Variants in FBXL7 observed in about 807,000 individuals in gnomAD.
FBXL7 encodes F-box and leucine rich repeat protein 7.
A neutral mutation model predicts 38.3 loss-of-function variants in FBXL7; 12 were observed. That is an observed-to-expected ratio of 0.31 (90% CI 0.20 to 0.51). The LOEUF (loss-of-function observed/expected upper bound fraction) is 0.51, where lower values mean the gene tolerates loss of function less well. Ranked by LOEUF, FBXL7 falls within the 20% of genes least tolerant of loss-of-function variation. The probability of loss-of-function intolerance (pLI) is 0.98; values close to 1 mark genes in which losing one functional copy is unlikely to be tolerated. For missense variants in FBXL7, 567 were observed against 676.4 expected (o/e 0.84, Z 1.79); for synonymous variants, 297 against 300.9 (o/e 0.99, Z 0.13).
At chr5:15,512,004 C>T (rs1181564738) in intron 1 of FBXL7, among the ~76,000 whole-genome samples, 1 of 152,194 alleles carries the variant, frequency 6.6e-6, no homozygotes, top group South Asian at 2.1e-4. Flanking sequence ...AGCAGGGGCT[C>T]CCTCCTCTGC....
At chr5:15,835,001 T>C (rs1738557806) in intron 2 of FBXL7, among the ~76,000 whole-genome samples, 1 of 152,226 alleles carries the variant, frequency 6.6e-6, no homozygotes, top group South Asian at 2.1e-4. Context: ...TTCCAAGTAA[T>C]GAGCTGGGCT....
At chr5:15,932,192 C>T (rs887950181) in intron 3 of FBXL7, among the ~76,000 whole-genome samples, 2 of 152,148 alleles carry the variant, frequency 1.3e-5, no homozygotes, top group Non-Finnish European at 2.9e-5. Context: ...AATTCCTCAT[C>T]AGTAAAAGTG....
chr5:15,852,831 G>A (rs1423147189), intron 2 of FBXL7, among the ~76,000 whole-genome samples: 1 of 152,028 alleles, frequency 6.6e-6, no homozygotes, highest in Non-Finnish European at 1.5e-5. Context: ...GTTCAGTTTG[G>A]CCACTGTACA....
At chr5:15,580,123 G>A (rs1393166004) in intron 1 of FBXL7, among the ~76,000 whole-genome samples, 1 of 151,992 alleles carries the variant, frequency 6.6e-6, no homozygotes, top group Non-Finnish European at 1.5e-5. Flanking sequence ...TGCGAGTGTA[G>A]CCCCCATGAT....
At chr5:15,902,333 C>T (rs936718569) in intron 2 of FBXL7, among the ~76,000 whole-genome samples, 4 of 152,194 alleles carry the variant, frequency 2.6e-5, no homozygotes, top group Admixed American at 1.3e-4. Flanking sequence ...GAGTGCCAAA[C>T]GTTGCATCCG....
intron 2 of FBXL7, among the ~76,000 whole-genome samples, chr5:15,878,992 A>G (rs775110179): frequency 2.6e-5 from 4 of 152,328 alleles, no homozygotes; most frequent in East Asian, 3.9e-4. Flanking sequence ...GTTTAGGTCC[A>G]TCTAGATCAG....
intron 2 of FBXL7, among the ~76,000 whole-genome samples, chr5:15,624,936 C>G (rs1021858449): frequency 6.7e-6 from 1 of 150,054 alleles, no homozygotes; most frequent in Non-Finnish European, 1.5e-5. Flanking sequence ...CTCTCTCTCT[C>G]TTGCTTCCTC....
At chr5:15,912,920 A>G (rs185278549) in intron 2 of FBXL7, among the ~76,000 whole-genome samples, 1 of 152,218 alleles carries the variant, frequency 6.6e-6, no homozygotes, top group African/African-American at 2.4e-5. Flanking sequence ...TCCCAGGTCA[A>G]TATAAGGTGA....
At chr5:15,625,073 T>G (rs1304715372) in intron 2 of FBXL7, among the ~76,000 whole-genome samples, 5 of 152,140 alleles carry the variant, frequency 3.3e-5, no homozygotes, top group Non-Finnish European at 7.3e-5. Flanking sequence ...ACCAGAATTA[T>G]AAGCCCAATA....
chr5:15,798,904 AG>A (rs1435282639), intron 2 of FBXL7, among the ~76,000 whole-genome samples: 2 of 152,202 alleles, frequency 1.3e-5, no homozygotes, highest in Non-Finnish European at 2.9e-5. Flanking sequence ...TTTGCAAATG[AG>A]GATTCTGACT....
chr5:15,644,169 GATA>G (rs895481792), intron 2 of FBXL7, among the ~76,000 whole-genome samples: 3 of 152,022 alleles, frequency 2.0e-5, no homozygotes, highest in South Asian at 2.1e-4. Flanking sequence ...ATGTTAAAAT[GATA>G]ATGACGCCAG....
At chr5:15,705,400 C>T (rs887027795) in intron 2 of FBXL7, among the ~76,000 whole-genome samples, 1 of 152,204 alleles carries the variant, frequency 6.6e-6, no homozygotes, top group Non-Finnish European at 1.5e-5. Flanking sequence ...CTGTACAGCT[C>T]TGTGTCTGCA....
At chr5:15,630,185 C>T (rs576301700) in intron 2 of FBXL7, among the ~76,000 whole-genome samples, 16 of 152,248 alleles carry the variant, frequency 1.1e-4, no homozygotes, top group Admixed American at 9.8e-4. Flanking sequence ...CATTCTGAGT[C>T]ACTAAATGAG....
chr5:15,746,423 G>GT (rs1032393432), intron 2 of FBXL7, among the ~76,000 whole-genome samples: 2 of 152,188 alleles, frequency 1.3e-5, no homozygotes, highest in Non-Finnish European at 2.9e-5. Context: ...CTATGGAAAT[G>GT]TATTTCTCAC....
At chr5:15,890,347 C>G (rs888682837) in intron 2 of FBXL7, among the ~76,000 whole-genome samples, 6 of 152,170 alleles carry the variant, frequency 3.9e-5, no homozygotes, top group African/African-American at 1.2e-4. Context: ...CTCCCGGGTT[C>G]AAGCGATTCT....
At chr5:15,640,544 G>A (rs374572665) in intron 2 of FBXL7, among the ~76,000 whole-genome samples, 1 of 119,366 alleles carries the variant, frequency 8.4e-6, no homozygotes, top group East Asian at 2.3e-4. Context: ...TTTTTTTTTT[G>A]AGGGAGTCTT....
intron 2 of FBXL7, among the ~76,000 whole-genome samples, chr5:15,787,432 G>A (rs1737160569): frequency 6.6e-6 from 1 of 152,136 alleles, no homozygotes; most frequent in Non-Finnish European, 1.5e-5. Flanking sequence ...TGCAGAGATG[G>A]GCCAGGAGGA....
chr5:15,759,715 T>A (rs530897083), intron 2 of FBXL7, among the ~76,000 whole-genome samples: 9 of 152,306 alleles, frequency 5.9e-5, no homozygotes, highest in South Asian at 4.1e-4. Context: ...TTCATTCATT[T>A]ATTTTTTGTT....
Position 15,928,354 on chromosome 5 carries a change from C to A in FBXL7, c.592C>A (p.Arg198=). The A allele has an allele frequency of 1.9e-6, 3 of 1,613,888 alleles. No individual in the cohort carries two copies. The highest frequency in any genetic ancestry group is 2.5e-6 in the Non-Finnish European group (3 of 1,179,862). ...AACCGTAACTGTCAGTGGCTGCAGG[C>A]GGCTCACAGACCGAGGGCTGTACAC... ...LETVTVSGCR[R]LTDRGLYTIA... is the part of the protein sequence containing the mutation. Residue 198 remains arginine, a synonymous_variant, in exon 3 of 4, where the codon CGG becomes AGG. Transcript: ENST00000504595. This position sits in a 1 kb window ranked among gnomAD's most constrained non-coding sequence, Gnocchi z 4.0.
Sources: gnomAD v4.1 joint callset for allele counts (sites outside exome capture counted in the v4.1 genomes callset) on GRCh38, gnomAD v4.1.1 for gene constraint, Gnocchi (gnomAD v3.1) non-coding constraint, MANE v1.5 for transcripts, NCBI Gene and HGNC (gene_info 2026-07-23, HGNC 2026-07-21) for gene names.